Variants in CNOT4 observed in about 807,000 individuals in gnomAD.
CNOT4 encodes the protein CCR4-NOT transcription complex subunit 4.
A neutral mutation model predicts 73.8 loss-of-function variants in CNOT4; 8 were observed. The observed-to-expected ratio is 0.11, with a 90% CI of 0.06 to 0.20. The LOEUF is 0.20. CNOT4 is among the 10% of genes least tolerant of loss of function. The pLI is 1.00. For synonymous variants in CNOT4, 293 were observed against 321.1 expected (o/e 0.91, Z 0.94); for missense variants, 564 against 883.4 (o/e 0.64, Z 4.58).
intron 1 of CNOT4, among the ~76,000 whole-genome samples, chr7:135,478,694 C>T (rs1286469922): frequency 6.6e-6 from 1 of 152,110 alleles, no homozygotes; most frequent in Non-Finnish European, 1.5e-5. Flanking sequence ...CAGAATGAAA[C>T]TCTGTCTGAA....
In CNOT4 at chr7:135,395,830, T is replaced by C. The variant is rs1480510332; in HGVS notation, c.933A>G (p.Pro311=). ...SPPPGLSKSN[P]VIPISSSNHS... ...GATTGGATGAACTGATGGGGATGACTGGATTGGATTTTGACAAACCAGGTG... is the reference window on the plus strand; with the variant it reads ...GATTGGATGAACTGATGGGGATGACCGGATTGGATTTTGACAAACCAGGTG... Residue 311 remains proline, a synonymous_variant, in exon 9 of 12, where the codon CCA becomes CCG. Transcript: ENST00000541284. 1 of 1,612,366 alleles carries C rather than the reference T, an allele frequency of 6.2e-7. No individual in the cohort carries two copies. Among genetic ancestry groups the C allele is most frequent in the Non-Finnish European group, 8.5e-7 (1 of 1,178,480 alleles).
chr7:135,432,477 CACAAG>C (rs778540936), intron 2 of CNOT4, among the ~76,000 whole-genome samples: 69 of 152,338 alleles, frequency 4.5e-4, no homozygotes, highest in Non-Finnish European at 8.4e-4. Flanking sequence ...AAAATGGTCT[CACAAG>C]ACATTTCTCT....
At chr7:135,431,556 A>AC (rs1453127842) in intron 2 of CNOT4, among the ~76,000 whole-genome samples, 1 of 152,124 alleles carries the variant, frequency 6.6e-6, no homozygotes, top group Non-Finnish European at 1.5e-5. Context: ...ATCCTGGCTA[A>AC]CATGGTGAAA....
intron 1 of CNOT4, among the ~76,000 whole-genome samples, chr7:135,478,953 T>C (rs1802171646): frequency 6.6e-6 from 1 of 152,110 alleles, no homozygotes; most frequent in South Asian, 2.1e-4. Context: ...CATGAAGTGA[T>C]GTAATTTTGA....
At chr7:135,446,006 T>A (rs985952040) in intron 1 of CNOT4, among the ~76,000 whole-genome samples, 3 of 152,094 alleles carry the variant, frequency 2.0e-5, no homozygotes, top group Non-Finnish European at 2.9e-5. Context: ...CTCAGCCACC[T>A]GAGTAGCTGG....
At chr7:135,470,126 T>C (rs964971369) in intron 1 of CNOT4, among the ~76,000 whole-genome samples, 1 of 150,810 alleles carries the variant, frequency 6.6e-6, no homozygotes, top group Admixed American at 6.6e-5. Context: ...CCGAGCCTGG[T>C]GTGTTTTTTT....
At chr7:135,378,392 T>C (rs1016877469) in intron 10 of CNOT4, among the ~76,000 whole-genome samples, 2 of 151,122 alleles carry the variant, frequency 1.3e-5, no homozygotes, top group Admixed American at 1.3e-4. Context: ...TAATCCCAGC[T>C]ATTTGGGAGG....
intron 3 of CNOT4, among the ~76,000 whole-genome samples, chr7:135,421,364 C>T (rs1326498338): frequency 6.6e-6 from 1 of 152,050 alleles, no homozygotes; most frequent in African/African-American, 2.4e-5. Flanking sequence ...TTTGGAAGAT[C>T]CCCCAAAACC....
intron 10 of CNOT4, among the ~76,000 whole-genome samples, chr7:135,367,247 G>A (rs562075325): frequency 7.0e-4 from 107 of 152,242 alleles, no homozygotes; most frequent in African/African-American, 2.5e-3. Context: ...ATATGATCTC[G>A]CTTGAATGCA....
chr7:135,421,590 C>G (rs1296593830), intron 3 of CNOT4, among the ~76,000 whole-genome samples: 1 of 152,166 alleles, frequency 6.6e-6, no homozygotes, highest in Non-Finnish European at 1.5e-5. Flanking sequence ...AAGCTCTCTC[C>G]TCCCCCGAAT....
chr7:135,450,926 C>T (rs1341347858), intron 1 of CNOT4, among the ~76,000 whole-genome samples: 1 of 151,952 alleles, frequency 6.6e-6, no homozygotes, highest in Non-Finnish European at 1.5e-5. Flanking sequence ...CACTGCACTC[C>T]AGCCTAGGTG....
At chr7:135,503,485 C>A (rs1027131336) in intron 1 of CNOT4, among the ~76,000 whole-genome samples, 1 of 151,612 alleles carries the variant, frequency 6.6e-6, no homozygotes. Flanking sequence ...AGTTCTAGTA[C>A]GAATGAAACA....
At chr7:135,473,572 T>C (rs1801783384) in intron 1 of CNOT4, among the ~76,000 whole-genome samples, 1 of 152,004 alleles carries the variant, frequency 6.6e-6, no homozygotes, top group African/African-American at 2.4e-5. Flanking sequence ...CATGGCATAA[T>C]CCTGTGTCTA....
intron 1 of CNOT4, among the ~76,000 whole-genome samples, chr7:135,457,233 T>C (rs1475819763): frequency 6.6e-6 from 1 of 151,856 alleles, no homozygotes; most frequent in Non-Finnish European, 1.5e-5. Flanking sequence ...ACAGGGAGCA[T>C]ACAGTTGTAA....
At chr7:135,428,035 C>A (rs1346803238) in intron 2 of CNOT4, among the ~76,000 whole-genome samples, 1 of 152,072 alleles carries the variant, frequency 6.6e-6, no homozygotes, top group African/African-American at 2.4e-5. Flanking sequence ...AGAGGATAGT[C>A]TCAGGGTAAG....
intron 2 of CNOT4, among the ~76,000 whole-genome samples, chr7:135,427,050 G>A (rs1387563457): frequency 6.6e-6 from 1 of 151,970 alleles, no homozygotes; most frequent in Non-Finnish European, 1.5e-5. Flanking sequence ...ATACTATTGT[G>A]CATTACATAT....
chr7:135,446,950 T>A lies in CNOT4; in HGVS notation c.-92-8527A>T, dbSNP rs76626180. Among the ~76,000 whole-genome samples the A allele has an allele frequency of 3.6e-3, 385 of 106,942 alleles. 64 individuals are homozygous for A. The East Asian group carries it at 0.092, about 26-fold the overall frequency. 70.2% of individuals were successfully genotyped at this position (106,942 alleles called of 152,430 possible). On this transcript the variant is annotated intron_variant, in intron 1 of 11. Coordinates refer to ENST00000541284, the MANE Select transcript of CNOT4 (RefSeq NM_001190850.2). ...AGTCTGTTCCCACTAGAATGGAAAC[T>A]TCAGGACTTCACAATTAGTCTGTTC...
At chr7:135,373,860 C>T (rs545739730) in intron 10 of CNOT4, among the ~76,000 whole-genome samples, 1 of 152,124 alleles carries the variant, frequency 6.6e-6, no homozygotes, top group East Asian at 1.9e-4. Context: ...GGATTACAGG[C>T]CTGAGCCACC....
rs537433985 is a variant in CNOT4 at position 135,444,969 on chromosome 7, C to T, written c.-92-6546G>A. On this transcript the variant is annotated intron_variant, in intron 1 of 11. Coordinates refer to ENST00000541284, the MANE Select transcript of CNOT4 (RefSeq NM_001190850.2). ...TCATACTTTGAAGAACTGATGTAAG[C>T]CTCTTTGCCTCTGCTTGTCATGCCA... 5.5e-5 allele frequency: 61 copies of T among 1,108,454 alleles called. No individual in the cohort carries two copies. The Middle Eastern group carries it at 8.5e-4, about 16-fold the overall frequency. 68.7% of individuals were successfully genotyped at this position (1,108,454 alleles called of 1,614,324 possible). A position where few individuals can be genotyped will look rare whatever the true frequency, so the allele number is the denominator to read the frequency against.
Sources: gnomAD v4.1 joint callset for allele counts (sites outside exome capture counted in the v4.1 genomes callset) on GRCh38, gnomAD v4.1.1 for gene constraint, MANE v1.5 for transcripts, NCBI Gene and HGNC (gene_info 2026-07-23, HGNC 2026-07-21) for gene names.